The following MMP26 variants were observed in gnomAD, a reference collection of about 807,000 sequenced individuals.
MMP26 encodes the protein matrix metallopeptidase 26, also known as matrix metalloproteinase-26.
A neutral mutation model predicts 31.0 loss-of-function variants in MMP26; 33 were observed. That is an observed-to-expected ratio of 1.06 (90% CI 0.81 to 1.42). The LOEUF (loss-of-function observed/expected upper bound fraction) is 1.42, where lower values mean the gene tolerates loss of function less well. Ranked by LOEUF, MMP26 falls within the 40% of genes most tolerant of loss-of-function variation. The pLI is 0.00. For missense variants in MMP26, 347 were observed against 316.1 expected (o/e 1.10, Z -0.74); for synonymous variants, 122 against 114.9 (o/e 1.06, Z -0.40).
intron 2 of MMP26, among the ~76,000 whole-genome samples, chr11:4,799,413 C>A (rs12787163): frequency 0.37 from 55,964 of 151,766 alleles, 11,404 homozygotes; most frequent in African/African-American, 0.52. Flanking sequence ...CTCACATGAA[C>A]TAACTGAAGG....
intron 2 of MMP26, among the ~76,000 whole-genome samples, 190 bp downstream of exon 2, chr11:4,767,531 T>G (rs12288068): frequency 0.19 from 28,216 of 152,062 alleles, 3,993 homozygotes; most frequent in African/African-American, 0.4. Flanking sequence ...ACAGTCACTG[T>G]GTGCTGATAA....
chr11:4,878,205 A>G (rs1240232500), intron 2 of MMP26: 2 of 152,100 alleles, frequency 1.3e-5, no homozygotes, highest in Non-Finnish European at 2.9e-5. Context: ...TATTGCATGT[A>G]TTGGTAGTTT....
At chr11:4,911,150 T>C (rs1156331006) in intron 2 of MMP26, among the ~76,000 whole-genome samples, 1 of 152,186 alleles carries the variant, frequency 6.6e-6, no homozygotes, top group Admixed American at 6.5e-5. Context: ...TCTCTCAGTT[T>C]ACCACTTGAA....
At chr11:4,891,024 T>TAATAATAATAATAATAAA (rs1228898738) in intron 2 of MMP26, among the ~76,000 whole-genome samples, 2 of 144,728 alleles carry the variant, frequency 1.4e-5, no homozygotes, top group East Asian at 3.9e-4. Flanking sequence ...ATAATAATAA[T>TAATAATAATAATAATAAA]AAAAGTAAAA....
chr11:4,899,392 C>T (rs1364697002), intron 2 of MMP26, among the ~76,000 whole-genome samples: 1 of 152,148 alleles, frequency 6.6e-6, no homozygotes, highest in Non-Finnish European at 1.5e-5. Context: ...GTTCTTGAAA[C>T]CTCAACTGAT....
Position 4,901,149 on chromosome 11 carries a change from C to CTTTTTTTTTTTTTT in MMP26, c.-144-86905_-144-86892dup, listed in dbSNP as rs55678976. ...GTGGACTTCGCATCACCTCTTTGTG[C>CTTTTTTTTTTTTTT]TTTTTTTTTTTTTTTTTTTTTTTTT... On this transcript the variant is annotated intron_variant, in intron 2 of 7. Coordinates refer to ENST00000380390, the MANE Select transcript of MMP26 (RefSeq NM_021801.5). Among the ~76,000 whole-genome samples the CTTTTTTTTTTTTTT allele has an allele frequency of 2.4e-5, 2 of 84,518 alleles. 1 individual carries two copies. The highest frequency in any genetic ancestry group is 9.6e-5 in the African/African-American group (2 of 20,884). The allele number at this position is 84,518 out of a possible 152,430, so 55.4% of individuals were successfully genotyped here.
At chr11:4,877,127 CT>C (rs1850392850) in intron 2 of MMP26, 1 of 152,294 alleles carries the variant, frequency 6.6e-6, no homozygotes, top group Admixed American at 6.5e-5. Flanking sequence ...TGAGGCTTGC[CT>C]GTGCTGACAC....
At chr11:4,854,921 CA>C (rs1850027939) in intron 2 of MMP26, among the ~76,000 whole-genome samples, 2 of 152,184 alleles carry the variant, frequency 1.3e-5, no homozygotes, top group African/African-American at 4.8e-5. Context: ...TGCTGTTCTG[CA>C]GCCTCCGCTG....
At position 4,769,014 on chromosome 11, in the gene MMP26, G is replaced by A. The variant is rs753526691; in HGVS notation, c.-145+1673G>A. 4.1e-5 allele frequency: 63 copies of A among 1,519,446 alleles called. No homozygotes were observed. The South Asian group carries it at 5.1e-4, about 12-fold the overall frequency. 94.1% of individuals were successfully genotyped at this position (1,519,446 alleles called of 1,614,324 possible). Reference sequence around the variant, plus strand: ...AGCAGCAGACTGAGCATAGCCTTGCGGATTTGTTTTGTTTTTACACTGTCG... The same window carrying A: ...AGCAGCAGACTGAGCATAGCCTTGCAGATTTGTTTTGTTTTTACACTGTCG... On this transcript the variant is annotated intron_variant, in intron 2 of 7. Transcript: ENST00000380390.
At position 4,959,653 on chromosome 11, in the gene MMP26, A is replaced by G. The variant is rs189255488; in HGVS notation, c.-144-28415A>G. Among the ~76,000 whole-genome samples the G allele has an allele frequency of 7.2e-5, 11 of 152,196 alleles. No individual in the cohort carries two copies. In the East Asian group the frequency reaches 1.5e-3, roughly 21 times the overall value. ...GAAGTAAAGTGTGCAGGGAATTCAT[A>G]TTATCTCTTTAAGTGGTATCCAGTT... On this transcript the variant is annotated intron_variant, in intron 2 of 7. Coordinates refer to ENST00000380390, the MANE Select transcript of MMP26 (RefSeq NM_021801.5).
chr11:4,844,543 A>C (rs921939928), intron 2 of MMP26, among the ~76,000 whole-genome samples: 1 of 152,208 alleles, frequency 6.6e-6, no homozygotes, highest in Non-Finnish European at 1.5e-5. Context: ...ATTCAAAAAA[A>C]CATTAGAAAG....
chr11:4,935,509 A>G (rs1290593476), intron 2 of MMP26, among the ~76,000 whole-genome samples: 1 of 150,712 alleles, frequency 6.6e-6, no homozygotes, highest in Non-Finnish European at 1.5e-5. Context: ...ATATACAATC[A>G]TGTCATCTGC....
intron 2 of MMP26, among the ~76,000 whole-genome samples, chr11:4,929,309 G>C (rs1483385444): frequency 6.6e-6 from 1 of 151,938 alleles, no homozygotes; most frequent in Non-Finnish European, 1.5e-5. Context: ...CTTGGCAAAA[G>C]AAAGTTTGTG....
At chr11:4,705,380 C>T (rs1395759461) in intron 1 of MMP26, among the ~76,000 whole-genome samples, 1 of 152,126 alleles carries the variant, frequency 6.6e-6, no homozygotes, top group African/African-American at 2.4e-5. Context: ...AATTTGAGAA[C>T]GTCGTATGTT....
intron 1 of MMP26, among the ~76,000 whole-genome samples, chr11:4,735,342 G>T (rs929848055): frequency 6.6e-6 from 1 of 152,104 alleles, no homozygotes; most frequent in African/African-American, 2.4e-5. Flanking sequence ...ATATCTATAT[G>T]GTTGTATAGC....
At position 4,721,264 on chromosome 11, in the gene MMP26, G is replaced by T. The variant is rs555615282; in HGVS notation, c.-217+16219G>T. Among the ~76,000 whole-genome samples the T allele has an allele frequency of 1.2e-3, 185 of 152,238 alleles. 1 individual carries two copies. Among genetic ancestry groups the T allele is most frequent in the African/African-American group, 4.1e-3 (170 of 41,538 alleles). On this transcript the variant is annotated intron_variant, in intron 1 of 7. Transcript: ENST00000380390. ...GGGGTTTTATTAGGTACTCCATCCT[G>T]GACTGCTGTTAATAACAGCAGTAAC...
intron 1 of MMP26, among the ~76,000 whole-genome samples, chr11:4,759,559 G>C (rs1203866439): frequency 2.0e-5 from 3 of 152,016 alleles, no homozygotes; most frequent in Non-Finnish European, 4.4e-5. Context: ...TATTTTCAAG[G>C]TAATAAACAA....
intron 2 of MMP26, among the ~76,000 whole-genome samples, chr11:4,956,408 T>C (rs1445385240): frequency 6.6e-6 from 1 of 152,210 alleles, no homozygotes; most frequent in Non-Finnish European, 1.5e-5. Flanking sequence ...AGATAGTTGT[T>C]ACCAAGGAAA....
At chr11:4,815,112 A>G (rs903759541) in intron 2 of MMP26, among the ~76,000 whole-genome samples, 3 of 152,194 alleles carry the variant, frequency 2.0e-5, no homozygotes, top group African/African-American at 7.2e-5. Flanking sequence ...CATTCTTTTG[A>G]TCAACCTTTC....
Sources: gnomAD v4.1 joint callset for allele counts (sites outside exome capture counted in the v4.1 genomes callset) on GRCh38, gnomAD v4.1.1 for gene constraint, MANE v1.5 for transcripts, NCBI Gene and HGNC (gene_info 2026-07-23, HGNC 2026-07-21) for gene names.